The following ASB15 variants were observed in gnomAD, a reference collection of about 807,000 sequenced individuals.
ASB15 encodes ankyrin repeat and SOCS box protein 15.
Under a neutral mutation model 58.0 loss-of-function variants are expected in ASB15, and 54 were observed. The ratio of observed to expected loss-of-function variants is 0.93; its 90% CI spans 0.75 to 1.17. ASB15 has a LOEUF of 1.17. Among genes scored for constraint, ASB15 ranks in the 50% most tolerant of loss-of-function variants. ASB15 has a pLI of 0.00. For synonymous variants in ASB15, 249 were observed against 262.4 expected (o/e 0.95, Z 0.50); for missense variants, 680 against 707.4 (o/e 0.96, Z 0.44).
chr7:123,570,310 A>T lies in ASB15; in HGVS notation c.-443+3222A>T, dbSNP rs530086556. Among the ~76,000 whole-genome samples the T allele has an allele frequency of 4.8e-3, 734 of 152,156 alleles. 1 individual carries two copies. Among genetic ancestry groups the T allele is most frequent in the Non-Finnish European group, 9.4e-3 (639 of 67,990 alleles). On this transcript the variant is annotated intron_variant, in intron 1 of 13. Coordinates refer to the ASB15 transcript ENST00000451558. ...CTCGGCCCCCCAAAGTGCTGGGATT[A>T]CAGGCGTGAGCCACCGCGCCCAGCC...
chr7:123,600,503 TA>T (rs915748709), upstream of ASB15, among the ~76,000 whole-genome samples: 5 of 152,044 alleles, frequency 3.3e-5, no homozygotes, highest in Admixed American at 1.3e-4. Flanking sequence ...ATATTGTAAG[TA>T]AAAAAAAGTT....
At chr7:123,602,794 A>T (rs1799950007) in intron 1 of ASB15, among the ~76,000 whole-genome samples, 1 of 152,168 alleles carries the variant, frequency 6.6e-6, no homozygotes, top group Non-Finnish European at 1.5e-5. Flanking sequence ...ACAAAATAAG[A>T]CCCTCTTTTC....
At chr7:123,575,228 C>G (rs191483033) in intron 1 of ASB15, among the ~76,000 whole-genome samples, 1 of 152,020 alleles carries the variant, frequency 6.6e-6, no homozygotes, top group East Asian at 1.9e-4. Flanking sequence ...TAGACAACAC[C>G]TATTAGTTCC....
chr7:123,626,821 T>C (rs890349926), intron 8 of ASB15, among the ~76,000 whole-genome samples: 4 of 152,210 alleles, frequency 2.6e-5, no homozygotes, highest in Non-Finnish European at 5.9e-5. Flanking sequence ...CATCACAACC[T>C]CCACCTCCCA....
intron 1 of ASB15, among the ~76,000 whole-genome samples, chr7:123,585,985 A>G (rs1405375192): frequency 6.6e-6 from 1 of 151,774 alleles, no homozygotes; most frequent in Non-Finnish European, 1.5e-5. Flanking sequence ...CCACTTATGG[A>G]CACTTAGGTT....
intron 2 of ASB15, among the ~76,000 whole-genome samples, chr7:123,607,106 G>A (rs1800183883): frequency 6.6e-6 from 1 of 152,024 alleles, no homozygotes; most frequent in Admixed American, 6.6e-5. Flanking sequence ...GCTTGATAGT[G>A]GTGAATATTT....
In ASB15 at chr7:123,617,726, C is replaced by T; in HGVS notation, c.440C>T (p.Pro147Leu). The T allele has an allele frequency of 1.2e-6, 2 of 1,608,348 alleles. No homozygotes were observed. Among genetic ancestry groups the T allele is most frequent in the Non-Finnish European group, 1.7e-6 (2 of 1,177,072 alleles). ...PNTKNDKGET[P>L]LLIAVKKGSY... is the part of the protein sequence containing the mutation. ...ACAAAAAATGATAAAGGAGAGACCC[C>T]CCTTCTGATTGGTAAATGACCTTTT... The change falls in exon 7 of 12, where the codon CCC (proline) becomes CTC (leucine). Residue 147 changes from proline (P) to leucine (L), a missense_variant. By Grantham distance (98) the Pro-to-Leu change is moderately conservative (BLOSUM62 -3). Transcript: ENST00000451215.
At chr7:123,572,004 T>C (rs1195700531) in intron 1 of ASB15, among the ~76,000 whole-genome samples, 5 of 151,998 alleles carry the variant, frequency 3.3e-5, no homozygotes, top group Non-Finnish European at 5.9e-5. Flanking sequence ...CCCAGGCTAG[T>C]CTCAAATTCC....
intron 1 of ASB15, among the ~76,000 whole-genome samples, chr7:123,592,978 G>C (rs4510789): frequency 6.6e-6 from 1 of 151,766 alleles, no homozygotes; most frequent in Non-Finnish European, 1.5e-5. Flanking sequence ...TATATATTTA[G>C]GATAGTTAGT....
At position 123,636,813 on chromosome 7, in the gene ASB15, T is replaced by A; in HGVS notation, c.1599T>A (p.Asn533Lys). 1 of 1,602,462 alleles carries A rather than the reference T, an allele frequency of 6.2e-7. No individual in the cohort carries two copies. The highest frequency in any genetic ancestry group is 1.4e-5 in the African/African-American group (1 of 74,004). ...TATTTTCCCGATTTCTTTTAGAGAA[T>A]CCTTGTTCATTGAAGCATTTGTGTC... is the stretch of plus-strand genomic sequence containing the variant. ...EWPEIRQILE[N>K]PCSLKHLCRL... Residue 533 changes from asparagine (N) to lysine (K), a missense_variant, in exon 12 of 12, where the codon AAT becomes AAA. Asn to Lys is a moderately conservative substitution (Grantham distance 94, BLOSUM62 0). Transcript: ENST00000451215.
intron 11 of ASB15, among the ~76,000 whole-genome samples, chr7:123,634,912 T>G (rs992259957): frequency 6.6e-6 from 1 of 152,178 alleles, no homozygotes; most frequent in Non-Finnish European, 1.5e-5. Context: ...CTGTATCCAG[T>G]TATCAATTTG....
At chr7:123,593,627 G>C (rs1799610117) in intron 1 of ASB15, among the ~76,000 whole-genome samples, 1 of 152,088 alleles carries the variant, frequency 6.6e-6, no homozygotes, top group South Asian at 2.1e-4. Flanking sequence ...TGGCTTGTAG[G>C]GTTTCTGCCA....
Position 123,627,170 on chromosome 7 carries a change from G to A in ASB15, c.758G>A (p.Gly253Asp). 4 of 1,614,054 alleles carry A rather than the reference G, an allele frequency of 2.5e-6. No individual in the cohort carries two copies. The highest frequency in any genetic ancestry group is 1.7e-6 in the Non-Finnish European group (2 of 1,179,954). Residue 253 changes from glycine to aspartate, a missense_variant, in exon 9 of 12, where the codon GGT becomes GAT. Gly to Asp is a moderately conservative substitution (Grantham distance 94). Transcript: ENST00000451215. The stretch of plus-strand genomic sequence containing the variant: ...TCGGTGCTGTTTGAGGCAGCAGGAG[G>A]TGGCAATCCCGACTGCATTTCCCTC... ...GASVLFEAAGGGNPDCISLLL... is the reference protein window; with the variant it reads ...GASVLFEAAGDGNPDCISLLL...
At chr7:123,592,273 G>A (rs943497107) in intron 1 of ASB15, among the ~76,000 whole-genome samples, 1 of 150,266 alleles carries the variant, frequency 6.7e-6, no homozygotes, top group Admixed American at 6.6e-5. Context: ...GATTTTTTGT[G>A]TCTCTGTCTC....
chr7:123,627,314 T>C (rs1452795087), intron 9 of ASB15, 33 bp downstream of exon 9: 1 of 1,551,328 alleles, frequency 6.4e-7, no homozygotes, highest in East Asian at 2.3e-5. Context: ...ATTATTTGAG[T>C]TAAAAATGCT....
rs2116651540 is a variant in ASB15 at position 123,629,393 on chromosome 7, G to A, written c.1399G>A (p.Val467Met). 1.2e-6 allele frequency: 2 copies of A among 1,613,164 alleles called. No homozygotes were observed. The highest frequency in any genetic ancestry group is 1.3e-5 in the African/African-American group (1 of 75,042). The change falls in exon 10 of 12, where the codon GTG becomes ATG. Residue 467 changes from valine (V) to methionine (M), a missense_variant. Transcript: ENST00000451215. The part of the protein sequence containing the change: ...SFVWSEIQEE[V>M]LPGWTSCVIK... ...TGTGTGGTCAGAGATACAGGAAGAGGTGCTGCCAGGATGGACATCTTGTGT... is the reference window on the plus strand; with the variant it reads ...TGTGTGGTCAGAGATACAGGAAGAGATGCTGCCAGGATGGACATCTTGTGT...
chr7:123,579,985 G>T (rs1473294024), intron 1 of ASB15, among the ~76,000 whole-genome samples: 4 of 151,938 alleles, frequency 2.6e-5, no homozygotes, highest in Non-Finnish European at 5.9e-5. Context: ...AATAAATCCT[G>T]ATGTAACAAA....
At chr7:123,583,496 A>G (rs1584732650) in intron 1 of ASB15, among the ~76,000 whole-genome samples, 2 of 151,996 alleles carry the variant, frequency 1.3e-5, no homozygotes, top group Admixed American at 1.3e-4. Flanking sequence ...AGAAAATGCA[A>G]TAAAATGAGT....
chr7:123,615,599 C>T (rs1036062508), intron 4 of ASB15: 2 of 152,176 alleles, frequency 1.3e-5, no homozygotes, highest in African/African-American at 4.8e-5. Flanking sequence ...CACCAGAAAA[C>T]CTCCATGAGG....
Sources: gnomAD v4.1 joint callset for allele counts (sites outside exome capture counted in the v4.1 genomes callset) on GRCh38, gnomAD v4.1.1 for gene constraint, MANE v1.5 for transcripts, NCBI Gene and HGNC (gene_info 2026-07-23, HGNC 2026-07-21) for gene names.